The following OTOF variants were observed in gnomAD, a reference collection of about 807,000 sequenced individuals.
OTOF encodes fer-1-like family member 2.
Under a neutral mutation model 236.8 loss-of-function variants are expected in OTOF, and 218 were observed. The ratio of observed to expected loss-of-function variants is 0.92; its 90% CI spans 0.82 to 1.03. The LOEUF (loss-of-function observed/expected upper bound fraction) is 1.03, where lower values mean the gene tolerates loss of function less well. OTOF is among the 50% of genes least tolerant of loss of function. OTOF has a pLI of 0.00. For missense variants in OTOF, 2,590 were observed against 2,694.4 expected, an observed-to-expected ratio of 0.96 and a Z score of 0.86; for synonymous variants, 1,041 against 1,072.5, an observed-to-expected ratio of 0.97 and a Z score of 0.57.
chr2:26,556,757 T>G (rs1667595528), intron 1 of OTOF, among the ~76,000 whole-genome samples: 1 of 152,160 alleles, frequency 6.6e-6, no homozygotes, highest in Non-Finnish European at 1.5e-5. Context: ...CGCGCAGTGT[T>G]CTACCCCTGA....
chr2:26,554,510 G>T (rs1667538528), intron 1 of OTOF, among the ~76,000 whole-genome samples: 2 of 145,296 alleles, frequency 1.4e-5, no homozygotes, highest in African/African-American at 5.7e-5. Context: ...ATGTACCTTG[G>T]CAGAGCAGTA....
chr2:26,516,202 T>C (rs893177987), intron 5 of OTOF, among the ~76,000 whole-genome samples: 2 of 152,168 alleles, frequency 1.3e-5, no homozygotes, highest in Non-Finnish European at 2.9e-5. Context: ...TGCAGCTCCA[T>C]CTGAGTCTCC....
chr2:26,482,649 G>A (rs1457287519), intron 13 of OTOF, 57 bp from the exon 14 acceptor site: 12 of 1,296,402 alleles, frequency 9.3e-6, no homozygotes, highest in African/African-American at 6.0e-5. Context: ...GTGGGTGCAT[G>A]TGTGTGTGTG....
At chr2:26,516,151 G>A (rs1302702505) in intron 5 of OTOF, among the ~76,000 whole-genome samples, 1 of 152,198 alleles carries the variant, frequency 6.6e-6, no homozygotes, top group Non-Finnish European at 1.5e-5. Flanking sequence ...CCCTGTGTTA[G>A]AGCTCCACCT....
At chr2:26,506,410 G>A (rs1054156573) in intron 5 of OTOF, among the ~76,000 whole-genome samples, 3 of 152,184 alleles carry the variant, frequency 2.0e-5, no homozygotes, top group Non-Finnish European at 4.4e-5. Context: ...CCTCTCCCCT[G>A]CCCCTTCCCC....
chr2:26,499,193 A>AG (rs1432143101), intron 8 of OTOF, among the ~76,000 whole-genome samples: 2 of 152,148 alleles, frequency 1.3e-5, no homozygotes, highest in African/African-American at 4.8e-5. Context: ...GCACATTCAC[A>AG]GGGGGGTGAC....
rs1162192731 is a variant in OTOF, at chr2:26,484,570, T to C, written c.1109A>G (p.Lys370Arg). Residue 370 changes from lysine to arginine, a missense_variant, in exon 12 of 47, where the codon AAG becomes AGG. Coordinates refer to ENST00000272371, the MANE Select transcript of OTOF (RefSeq NM_194248.3). ...SDPDDISSGL[K>R]GYVKCDVAVV... ...GGCAACGTCACACTTCACGTAGCCC[T>C]TCAGCCCCGAGGAGATGTCATCGGG... 6.2e-7 allele frequency: 1 copy of C among 1,613,956 alleles called. No homozygotes were observed. The highest frequency in any genetic ancestry group is 2.2e-5 in the East Asian group (1 of 44,882).
chr2:26,512,013 G>A (rs1666403825), intron 5 of OTOF, among the ~76,000 whole-genome samples: 1 of 150,880 alleles, frequency 6.6e-6, no homozygotes, highest in African/African-American at 2.5e-5. Context: ...CCCAGCATAG[G>A]AGGAAGTTAC....
chr2:26,469,707 C>T (rs966870535), intron 32 of OTOF, among the ~76,000 whole-genome samples: 9 of 152,256 alleles, frequency 5.9e-5, no homozygotes, highest in African/African-American at 1.9e-4. Context: ...ACCAGCCTAA[C>T]CCCCACTCTC....
chr2:26,481,011 T>G lies in OTOF; in HGVS notation c.1580-2A>C. The G allele has an allele frequency of 6.2e-7, 1 of 1,611,320 alleles. No homozygotes were observed. The highest frequency in any genetic ancestry group is 8.5e-7 in the Non-Finnish European group (1 of 1,178,614). On this transcript the variant is annotated splice_acceptor_variant, in intron 14 of 46. Transcript: ENST00000272371. LOFTEE classifies it high-confidence loss of function. ...CTGGGCCCAGTGTGGGCAGGAAGCC[T>G]GTGGCAGTGGGAACAAAAATGAGGG...
chr2:26,497,091 T>A (rs1666005174), intron 8 of OTOF, among the ~76,000 whole-genome samples: 1 of 15,908 alleles, frequency 6.3e-5, no homozygotes, highest in African/African-American at 1.5e-3. Context: ...ACATTCTTCT[T>A]TTTTTTTTTT....
At chr2:26,500,509 G>A (rs764813129) in intron 8 of OTOF, among the ~76,000 whole-genome samples, 12 of 152,192 alleles carry the variant, frequency 7.9e-5, no homozygotes, top group Admixed American at 3.3e-4. Context: ...AAAAGCCCTC[G>A]GAAGTCTCAG....
chr2:26,531,569 C>T (rs77861878), intron 2 of OTOF, among the ~76,000 whole-genome samples: 68 of 152,344 alleles, frequency 4.5e-4, no homozygotes, highest in African/African-American at 1.2e-3. Context: ...CCCTCCCCTT[C>T]GCCGCCATCA....
intron 46 of OTOF, among the ~76,000 whole-genome samples, chr2:26,459,174 A>G (rs1329240746): frequency 6.6e-6 from 1 of 152,184 alleles, no homozygotes; most frequent in African/African-American, 2.4e-5. Flanking sequence ...CACGGGTGAG[A>G]GCCATTTCCA....
intron 46 of OTOF, among the ~76,000 whole-genome samples, chr2:26,458,545 C>T (rs1324921010): frequency 6.6e-6 from 1 of 152,272 alleles, no homozygotes; most frequent in East Asian, 1.9e-4. Context: ...TGTGCTGCCC[C>T]ACGTCCTTGG....
chr2:26,503,473 T>C (rs1666170349), intron 6 of OTOF, among the ~76,000 whole-genome samples: 1 of 152,258 alleles, frequency 6.6e-6, no homozygotes. Flanking sequence ...ACAGCGTTTC[T>C]TGATGGATAT....
intron 18 of OTOF, 70 bp downstream of exon 18, chr2:26,479,194 A>G (rs1368605206): frequency 3.2e-6 from 5 of 1,583,800 alleles, no homozygotes; most frequent in African/African-American, 1.3e-5. Flanking sequence ...TGTGTGTTCC[A>G]GGGAAGGCCC....
intron 8 of OTOF, among the ~76,000 whole-genome samples, chr2:26,496,237 CTT>C (rs397939432): frequency 7.1e-6 from 1 of 140,344 alleles, no homozygotes; most frequent in Non-Finnish European, 1.5e-5. Flanking sequence ...TGATTAATGG[CTT>C]TTTTTTTTTT....
rs747106447 is a variant in OTOF, at chr2:26,473,359, G to A, written c.3570+47C>T. ...GGCAGAGGAAGCCGGCTGGCTGAGT[G>A]GAGCCACACTGGCCACAGGATGTCC... On this transcript the variant is annotated intron_variant, in intron 28 of 46. Transcript: ENST00000272371. This position sits in a 1 kb window ranked among gnomAD's most constrained non-coding sequence, Gnocchi z 7.2. 1.2e-5 allele frequency: 19 copies of A among 1,612,808 alleles called. No homozygotes were observed. The Admixed American group carries it at 3.2e-4, about 27-fold the overall frequency.
Sources: allele counts gnomAD v4.1 joint callset (sites outside exome capture counted in the v4.1 genomes callset), GRCh38; gene constraint gnomAD v4.1.1; non-coding constraint Gnocchi (gnomAD v3.1); transcripts MANE v1.5; gene names NCBI Gene and HGNC (gene_info 2026-07-23, HGNC 2026-07-21).